Variants in PCBD2 observed in about 807,000 individuals in gnomAD.
The protein encoded by PCBD2 is pterin-4 alpha-carbinolamine dehydratase 2.
A neutral mutation model predicts 16.4 loss-of-function variants in PCBD2; 12 were observed. That is an observed-to-expected ratio of 0.73 (90% CI 0.47 to 1.19). The LOEUF (loss-of-function observed/expected upper bound fraction) is 1.19. Ranked by LOEUF, PCBD2 falls within the 50% of genes most tolerant of loss-of-function variation. The pLI, the probability that PCBD2 is intolerant of heterozygous loss-of-function variation, is 0.00. For missense variants in PCBD2, 138 were observed against 156.8 expected (o/e 0.88, Z 0.64); for synonymous variants, 58 against 61.8 (o/e 0.94, Z 0.29).
chr5:134,960,076 C>T (rs1429403525), intron 3 of PCBD2, among the ~76,000 whole-genome samples: 2 of 151,822 alleles, frequency 1.3e-5, no homozygotes, highest in African/African-American at 2.4e-5. Context: ...TACGGGGTTT[C>T]ACCATGTTGG....
At chr5:134,959,418 T>G (rs1389454258) in intron 3 of PCBD2, among the ~76,000 whole-genome samples, 1 of 152,180 alleles carries the variant, frequency 6.6e-6, no homozygotes, top group African/African-American at 2.4e-5. Context: ...GTTTCAAAAC[T>G]TAAGGTAAAT....
intron 2 of PCBD2, among the ~76,000 whole-genome samples, chr5:134,933,529 G>A (rs1751122713): frequency 6.6e-6 from 1 of 152,176 alleles, no homozygotes; most frequent in Non-Finnish European, 1.5e-5. Context: ...AGCCACTGCA[G>A]CTGGCTTACC....
rs201732450 is a variant in PCBD2, at chr5:134,949,078, CA to C, written c.217-9960del. ...GGAGTTGTGTCTGCCCCCAGACACA[CA>C]AGGGACTGCACAGGGAATGGTCCTC... On this transcript the variant is annotated intron_variant, in intron 2 of 3. Transcript: ENST00000254908. Among the ~76,000 whole-genome samples, 167 of 152,206 alleles carry C rather than the reference CA, an allele frequency of 1.1e-3. 3 individuals carry two copies. In the East Asian group the frequency reaches 0.026, roughly 24 times the overall value.
chr5:134,915,367 C>T (rs60247652), intron 2 of PCBD2, among the ~76,000 whole-genome samples: 2 of 148,794 alleles, frequency 1.3e-5, no homozygotes, highest in African/African-American at 2.5e-5. Flanking sequence ...AATTTATCTT[C>T]TAAATATTGT....
At chr5:134,929,101 A>G (rs1003700720) in intron 2 of PCBD2, among the ~76,000 whole-genome samples, 42 of 152,218 alleles carry the variant, frequency 2.8e-4, no homozygotes, top group African/African-American at 1.0e-3. Context: ...AGAAGAAATT[A>G]TAGTGTGAGA....
chr5:134,951,817 G>T (rs917043641), intron 2 of PCBD2, among the ~76,000 whole-genome samples: 11 of 152,062 alleles, frequency 7.2e-5, no homozygotes, highest in African/African-American at 2.7e-4. Context: ...TTTAAAAAAT[G>T]GTGGTTGGTC....
intron 2 of PCBD2, among the ~76,000 whole-genome samples, chr5:134,944,159 T>C (rs1407840572): frequency 6.6e-6 from 1 of 152,216 alleles, no homozygotes; most frequent in Non-Finnish European, 1.5e-5. Context: ...TCCTGCACTT[T>C]TTCTTTCATG....
intron 2 of PCBD2, among the ~76,000 whole-genome samples, chr5:134,913,631 A>G (rs1466445380): frequency 6.6e-6 from 1 of 152,166 alleles, no homozygotes; most frequent in Non-Finnish European, 1.5e-5. Context: ...GCTGTGTTCT[A>G]AAAAATCACC....
chr5:134,905,330 GC>G, intron 1 of PCBD2, 107 bp downstream of exon 1: 2 of 1,027,314 alleles, frequency 1.9e-6, no homozygotes, highest in Non-Finnish European at 2.5e-6. Context: ...CCCGGCGTGG[GC>G]CGAGCCTTGG....
chr5:134,932,657 T>C (rs1751112222), intron 2 of PCBD2, among the ~76,000 whole-genome samples: 4 of 151,862 alleles, frequency 2.6e-5, no homozygotes, highest in Admixed American at 6.6e-5. Flanking sequence ...TTAATTTTAC[T>C]TTTTTTTGTG....
intron 2 of PCBD2, among the ~76,000 whole-genome samples, chr5:134,916,204 C>T (rs1056953881): frequency 6.6e-6 from 1 of 152,088 alleles, no homozygotes; most frequent in African/African-American, 2.4e-5. Flanking sequence ...GTTGGAGAAT[C>T]ATTTGAACCC....
chr5:134,927,593 G>A (rs1049501175), intron 2 of PCBD2: 9 of 396,854 alleles, frequency 2.3e-5, no homozygotes, highest in Non-Finnish European at 3.1e-5. Flanking sequence ...AGAATAGGAA[G>A]TATGTACCTG....
intron 2 of PCBD2, among the ~76,000 whole-genome samples, chr5:134,952,721 C>T (rs923178767): frequency 2.6e-5 from 4 of 151,888 alleles, no homozygotes; most frequent in African/African-American, 7.3e-5. Context: ...AGGATGGATC[C>T]CGTGAGCCCA....
At chr5:134,950,234 G>A (rs2149539544) in intron 2 of PCBD2, among the ~76,000 whole-genome samples, 1 of 152,326 alleles carries the variant, frequency 6.6e-6, no homozygotes, top group South Asian at 2.1e-4. Flanking sequence ...TTGTACTGGG[G>A]AAATTACTTT....
At chr5:134,924,074 A>G (rs1750948310) in intron 2 of PCBD2, 5 of 397,322 alleles carry the variant, frequency 1.3e-5, no homozygotes, top group Non-Finnish European at 1.3e-5. Context: ...TTGAAATACA[A>G]TGATGGTTTT....
intron 2 of PCBD2, among the ~76,000 whole-genome samples, chr5:134,934,213 C>T (rs1489409450): frequency 6.6e-6 from 1 of 151,864 alleles, no homozygotes; most frequent in East Asian, 1.9e-4. Context: ...TTGTATTTGT[C>T]TCTGGGTGAT....
chr5:134,910,871 G>T (rs1750761042), intron 2 of PCBD2, among the ~76,000 whole-genome samples: 1 of 152,136 alleles, frequency 6.6e-6, no homozygotes, highest in Non-Finnish European at 1.5e-5. Context: ...GCTTACTGCT[G>T]CCTCGACCTC....
At chr5:134,950,912 A>C (rs1275245960) in intron 2 of PCBD2, among the ~76,000 whole-genome samples, 3 of 152,164 alleles carry the variant, frequency 2.0e-5, no homozygotes, top group East Asian at 1.9e-4. Context: ...GGCACTAAAA[A>C]CCCACCTAAA....
chr5:134,962,541 C>G lies in PCBD2; in HGVS notation c.*1860C>G, dbSNP rs1362081532. Among the ~76,000 whole-genome samples, 1 of 152,198 alleles carries G rather than the reference C, an allele frequency of 6.6e-6. No homozygotes were observed. Among genetic ancestry groups the G allele is most frequent in the Non-Finnish European group, 1.5e-5 (1 of 68,034 alleles). ...GTGCTGGGATTACAGGCGTGAGCCA[C>G]TGCGCCTGGCCTATAACAATTCTTA... On this transcript the variant is annotated 3_prime_UTR_variant, in exon 4 of 4. Transcript: ENST00000254908.
Sources: gnomAD v4.1 joint callset for allele counts (sites outside exome capture counted in the v4.1 genomes callset) on GRCh38, gnomAD v4.1.1 for gene constraint, MANE v1.5 for transcripts, NCBI Gene and HGNC (gene_info 2026-07-23, HGNC 2026-07-21) for gene names.